The following TAFA5 variants were observed in gnomAD, a reference collection of about 807,000 sequenced individuals.
TAFA5 encodes the protein chemokine-like protein TAFA-5.
In TAFA5, 6 loss-of-function variants were observed where a neutral mutation model predicts 15.3. The observed-to-expected ratio is 0.39, with a 90% CI of 0.21 to 0.77. TAFA5 has a LOEUF of 0.77. Ranked by LOEUF, TAFA5 falls within the 30% of genes least tolerant of loss-of-function variation. The pLI is 0.41. For synonymous variants in TAFA5, 103 were observed against 80.7 expected (o/e 1.28, Z -1.48); for missense variants, 161 against 193.1 (o/e 0.83, Z 0.98).
intron 2 of TAFA5, among the ~76,000 whole-genome samples, chr22:48,669,090 A>G (rs9617492): frequency 0.37 from 55,692 of 152,114 alleles, 10,421 homozygotes; most frequent in Non-Finnish European, 0.41. Flanking sequence ...CGACGTGAGG[A>G]CACAACCAGG....
intron 1 of TAFA5, chr22:48,576,587 C>G (rs372699170): frequency 4.9e-6 from 7 of 1,441,350 alleles, no homozygotes; most frequent in Non-Finnish European, 6.5e-6. Flanking sequence ...TGTCCCCGGG[C>G]GCGCGGACCG....
At chr22:48,682,479 G>C (rs116945510) in intron 2 of TAFA5, among the ~76,000 whole-genome samples, 8 of 152,172 alleles carry the variant, frequency 5.3e-5, no homozygotes, top group Non-Finnish European at 1.2e-4. Flanking sequence ...GTGACCCCAC[G>C]TCCCACAGGA....
chr22:48,694,018 G>T lies in TAFA5; in HGVS notation c.263-13699G>T, dbSNP rs975028183. ...CTTCTCCTCTTTCTTCAGGAAGCCC[G>T]TGGGCCCCTCTGAGGTCCCTGCCCA... On this transcript the variant is annotated intron_variant, in intron 2 of 3. Transcript: ENST00000402357. Among the ~76,000 whole-genome samples, 4 of 152,212 alleles carry T rather than the reference G, an allele frequency of 2.6e-5. No individual in the cohort carries two copies. In the East Asian group the frequency reaches 7.7e-4, roughly 29 times the overall value.
intron 3 of TAFA5, among the ~76,000 whole-genome samples, chr22:48,711,553 A>G (rs970264095): frequency 8.6e-5 from 13 of 151,864 alleles, no homozygotes; most frequent in Non-Finnish European, 1.9e-4. Flanking sequence ...TGAACCAAAC[A>G]CCATAGAATT....
chr22:48,702,128 A>AGTGTGT (rs71669916), intron 2 of TAFA5, among the ~76,000 whole-genome samples: 29 of 107,780 alleles, frequency 2.7e-4, no homozygotes, highest in African/African-American at 8.7e-4. Context: ...CTTGTGTGTG[A>AGTGTGT]GTGTGTGTGT....
Position 48,673,564 on chromosome 22 carries a change from G to T in TAFA5, c.262+26818G>T, listed in dbSNP as rs1019703686. Among the ~76,000 whole-genome samples, 4 of 152,192 alleles carry T rather than the reference G, an allele frequency of 2.6e-5. No individual in the cohort carries two copies. In the East Asian group the frequency reaches 7.7e-4, roughly 29 times the overall value. ...CCGGCCTTCTTCTGAGGGTGGGATG[G>T]CTGGTGCCCTGTCGCTGCTGGACTG... is the stretch of plus-strand genomic sequence containing the variant. On this transcript the variant is annotated intron_variant, in intron 2 of 3. Coordinates refer to ENST00000402357, the MANE Select transcript of TAFA5 (RefSeq NM_001082967.3).
At chr22:48,713,813 A>G (rs1929325341) in intron 3 of TAFA5, among the ~76,000 whole-genome samples, 1 of 152,202 alleles carries the variant, frequency 6.6e-6, no homozygotes, top group Non-Finnish European at 1.5e-5. Flanking sequence ...GGAGGGGCCC[A>G]TCCCAGGAAA....
chr22:48,494,058 T>TC (rs1275640186), intron 1 of TAFA5, among the ~76,000 whole-genome samples: 5 of 152,186 alleles, frequency 3.3e-5, no homozygotes, highest in Non-Finnish European at 7.3e-5. Flanking sequence ...ACCTGATGGG[T>TC]CTCTTCCATA....
At chr22:48,563,742 G>A (rs187750769) in intron 1 of TAFA5, among the ~76,000 whole-genome samples, 2 of 152,310 alleles carry the variant, frequency 1.3e-5, no homozygotes, top group South Asian at 2.1e-4. Context: ...TCGGGAGCTC[G>A]GGCTCCTGGG....
chr22:48,713,909 T>G (rs796432105), intron 3 of TAFA5, among the ~76,000 whole-genome samples: 29 of 152,350 alleles, frequency 1.9e-4, no homozygotes, highest in African/African-American at 6.7e-4. Context: ...GTGGCCCCAC[T>G]AACAGATCCA....
chr22:48,628,988 A>G (rs1177546455), intron 1 of TAFA5, among the ~76,000 whole-genome samples: 1 of 152,104 alleles, frequency 6.6e-6, no homozygotes, highest in African/African-American at 2.4e-5. Context: ...CTGAGTAAAG[A>G]GGAGAGGAGT....
chr22:48,626,779 A>AT (rs1926039386), intron 1 of TAFA5, among the ~76,000 whole-genome samples: 1 of 152,000 alleles, frequency 6.6e-6, no homozygotes, highest in Non-Finnish European at 1.5e-5. Context: ...GGCTCCATAG[A>AT]TTTTTCTCCT....
rs1473053483 is a variant in TAFA5 at position 48,560,997 on chromosome 22, CGGTTCCCTGTG to C, written c.112+71294_112+71304del. Among the ~76,000 whole-genome samples the C allele has an allele frequency of 1.3e-5, 2 of 152,140 alleles. No homozygotes were observed. Among genetic ancestry groups the C allele is most frequent in the African/African-American group, 2.4e-5 (1 of 41,424 alleles). On this transcript the variant is annotated intron_variant, in intron 1 of 3. Coordinates refer to ENST00000402357, the MANE Select transcript of TAFA5 (RefSeq NM_001082967.3). This position sits in a 1 kb window ranked among gnomAD's most constrained non-coding sequence, Gnocchi z 4.2. ...CAGTCCTCTACACCTGGGGATGGAG[CGGTTCCCTGTG>C]TGGGTGACACTGGGATTTGTCTGGG... is the stretch of plus-strand genomic sequence containing the variant.
intron 1 of TAFA5, among the ~76,000 whole-genome samples, chr22:48,629,633 G>A (rs959033047): frequency 1.3e-5 from 2 of 152,196 alleles, no homozygotes; most frequent in Admixed American, 6.5e-5. Context: ...AGATGGTTTT[G>A]CCCCTCAGGG....
chr22:48,501,638 C>T (rs910841779), intron 1 of TAFA5, among the ~76,000 whole-genome samples: 11 of 152,198 alleles, frequency 7.2e-5, no homozygotes, highest in Non-Finnish European at 1.0e-4. Flanking sequence ...CCAGGCCTCA[C>T]GGGCCCCAGG....
chr22:48,676,626 A>C (rs926692280), intron 2 of TAFA5, among the ~76,000 whole-genome samples: 2 of 152,198 alleles, frequency 1.3e-5, no homozygotes, highest in African/African-American at 4.8e-5. Context: ...GGAAGGACAC[A>C]GGACTGCAAC....
intron 3 of TAFA5, among the ~76,000 whole-genome samples, chr22:48,748,893 A>T (rs1930401673): frequency 6.6e-6 from 1 of 152,206 alleles, no homozygotes; most frequent in African/African-American, 2.4e-5. Flanking sequence ...AGACAGCATC[A>T]GGGTGGGCTC....
intron 1 of TAFA5, among the ~76,000 whole-genome samples, chr22:48,624,682 C>T (rs967419723): frequency 6.6e-6 from 1 of 152,144 alleles, no homozygotes; most frequent in Admixed American, 6.6e-5. Flanking sequence ...GTGTTTTGAG[C>T]TGTTCTTCAC....
At chr22:48,609,886 C>G (rs1442550604) in intron 1 of TAFA5, among the ~76,000 whole-genome samples, 2 of 152,222 alleles carry the variant, frequency 1.3e-5, no homozygotes, top group African/African-American at 4.8e-5. Context: ...CCACCACATA[C>G]AGCCGTCCTC....
Sources: gnomAD v4.1 joint callset for allele counts (sites outside exome capture counted in the v4.1 genomes callset) on GRCh38, gnomAD v4.1.1 for gene constraint, Gnocchi (gnomAD v3.1) non-coding constraint, MANE v1.5 for transcripts, NCBI Gene and HGNC (gene_info 2026-07-23, HGNC 2026-07-21) for gene names.